The following UBA2 variants were observed in gnomAD, a reference collection of about 807,000 sequenced individuals.
The protein encoded by UBA2 is ubiquitin like modifier activating enzyme 2, also known as SUMO-activating enzyme subunit 2.
A neutral mutation model predicts 77.2 loss-of-function variants in UBA2; 11 were observed. The observed-to-expected ratio is 0.14, with a 90% confidence interval of 0.09 to 0.24. UBA2 has a LOEUF of 0.24. Among genes scored for constraint, UBA2 ranks in the 10% least tolerant of loss-of-function variants. UBA2 has a pLI of 1.00. For missense variants in UBA2, 487 were observed against 781.7 expected (o/e 0.62, Z 4.50); for synonymous variants, 278 against 276.7 (o/e 1.00, Z -0.05).
At chr19:34,455,543 T>C (rs2075549064) in intron 12 of UBA2, among the ~76,000 whole-genome samples, 1 of 152,226 alleles carries the variant, frequency 6.6e-6, no homozygotes, top group Non-Finnish European at 1.5e-5. Context: ...TAGGTTCTCC[T>C]TTTTATCATT....
At position 34,456,357 on chromosome 19, in the gene UBA2, G is replaced by A. The variant is rs116509266; in HGVS notation, c.1245+1801G>A. Among the ~76,000 whole-genome samples, 181 of 151,486 alleles carry A rather than the reference G, an allele frequency of 1.2e-3. 1 individual carries two copies. Among genetic ancestry groups the A allele is most frequent in the African/African-American group, 3.7e-3 (151 of 41,294 alleles). ...TCAAACTCCTGGCCTGAAGTGATCC[G>A]CCCTTCTCAGCCTCCCAGAGTACTG... On this transcript the variant is annotated intron_variant, in intron 12 of 16. Transcript: ENST00000246548.
Position 34,469,035 on chromosome 19 carries a change from A to C in UBA2, c.1742-5A>C, listed in dbSNP as rs771411735. The stretch of plus-strand genomic sequence containing the variant: ...ATTTTCTTTTTCCCTTTTTTCTGAA[A>C]TAAGCTCAAGAGCAAGATGACGTTC... On this transcript the variant is annotated splice_region_variant and splice_polypyrimidine_tract_variant and intron_variant, in intron 16 of 16. Transcript: ENST00000246548. The C allele has an allele frequency of 6.9e-6, 11 of 1,592,650 alleles. No homozygotes were observed. The East Asian group carries it at 2.0e-4, about 29-fold the overall frequency.
At chr19:34,467,689 G>A (rs780105492) in intron 16 of UBA2, among the ~76,000 whole-genome samples, 27 of 152,102 alleles carry the variant, frequency 1.8e-4, no homozygotes, top group Admixed American at 5.2e-4. Flanking sequence ...GGCAGGAGGC[G>A]GAGGTTGCAG....
At chr19:34,457,249 C>T (rs2075578610) in intron 12 of UBA2, among the ~76,000 whole-genome samples, 1 of 137,568 alleles carries the variant, frequency 7.3e-6, no homozygotes, top group African/African-American at 2.8e-5. Context: ...TGTTTGTAAT[C>T]CCAGCTACTC....
chr19:34,435,541 T>G (rs776692432), intron 5 of UBA2, among the ~76,000 whole-genome samples: 3 of 150,624 alleles, frequency 2.0e-5, no homozygotes, highest in Non-Finnish European at 4.4e-5. Context: ...AAAAATTTCT[T>G]TGTGTCGGCT....
In UBA2 at chr19:34,434,974, G is replaced by C; in HGVS notation, c.459+6G>C. On this transcript the variant is annotated splice_donor_region_variant and intron_variant, in intron 5 of 16. Coordinates refer to ENST00000246548, the MANE Select transcript of UBA2 (RefSeq NM_005499.3). ...AAGTAACTACTATCAAAAAGGTAAA[G>C]AAAAGTTTTATTTTTTTAACTTCCC... 2 of 1,577,440 alleles carry C rather than the reference G, an allele frequency of 1.3e-6. No homozygotes were observed. The highest frequency in any genetic ancestry group is 1.7e-6 in the Non-Finnish European group (2 of 1,159,026).
chr19:34,429,664 C>T (rs2075229212), intron 1 of UBA2, among the ~76,000 whole-genome samples: 1 of 151,798 alleles, frequency 6.6e-6, no homozygotes, highest in Non-Finnish European at 1.5e-5. Context: ...ATAGAGAAAC[C>T]CCGTCTCTAC....
chr19:34,436,786 T>TA (rs1408973740), intron 5 of UBA2, among the ~76,000 whole-genome samples: 2 of 152,274 alleles, frequency 1.3e-5, no homozygotes, highest in Non-Finnish European at 2.9e-5. Flanking sequence ...TTTGGCAGCT[T>TA]ATTCATGTTA....
At chr19:34,453,949 A>G (rs755063672) in intron 10 of UBA2, among the ~76,000 whole-genome samples, 1 of 152,056 alleles carries the variant, frequency 6.6e-6, no homozygotes, top group Non-Finnish European at 1.5e-5. Context: ...TGGAATTGAG[A>G]TTCCGGTGTA....
chr19:34,448,940 A>G (rs1599912302), intron 8 of UBA2, among the ~76,000 whole-genome samples: 2 of 152,300 alleles, frequency 1.3e-5, no homozygotes, highest in East Asian at 1.9e-4. Flanking sequence ...AAGATCCTCT[A>G]CAAAATGTTT....
intron 12 of UBA2, among the ~76,000 whole-genome samples, chr19:34,457,195 T>TATATATATATATATATATATATATATAG (rs2075577259): frequency 7.8e-6 from 1 of 127,554 alleles, no homozygotes; most frequent in South Asian, 2.7e-4. Flanking sequence ...TATATATATA[T>TATATATATATATATATATATATATATAG]ATATATATAT....
At chr19:34,444,323 G>T (rs2075405133) in intron 7 of UBA2, among the ~76,000 whole-genome samples, 1 of 151,916 alleles carries the variant, frequency 6.6e-6, no homozygotes, top group South Asian at 2.1e-4. Flanking sequence ...CTCCCAAAGT[G>T]CTGGGACAGG....
In UBA2 at chr19:34,453,016, A is replaced by G. The variant is rs533416690; in HGVS notation, c.1038+869A>G. On this transcript the variant is annotated intron_variant, in intron 10 of 16. Coordinates refer to ENST00000246548, the MANE Select transcript of UBA2 (RefSeq NM_005499.3). ...TGATTAGTGCACAGAGGCTAAATAAAGAGCCCTTGGAATGGGAATTGTTAT... is the reference window on the plus strand; with the variant it reads ...TGATTAGTGCACAGAGGCTAAATAAGGAGCCCTTGGAATGGGAATTGTTAT... Among the ~76,000 whole-genome samples, 20 of 152,342 alleles carry G rather than the reference A, an allele frequency of 1.3e-4. No individual in the cohort carries two copies. The South Asian group carries it at 2.9e-3, about 22-fold the overall frequency.
intron 5 of UBA2, among the ~76,000 whole-genome samples, chr19:34,435,827 A>C (rs2075301952): frequency 7.1e-6 from 1 of 140,690 alleles, no homozygotes; most frequent in Non-Finnish European, 1.6e-5. Flanking sequence ...ACTCCATCTC[A>C]AAAAAAAAAA....
Position 34,456,100 on chromosome 19 carries a change from CTTTTTCTTTTTTTTT to C in UBA2, c.1245+1550_1245+1564del, listed in dbSNP as rs1182693632. Among the ~76,000 whole-genome samples the C allele has an allele frequency of 2.3e-4, 13 of 55,782 alleles. 1 individual carries two copies. Among genetic ancestry groups the C allele is most frequent in the Non-Finnish European group, 1.9e-4 (6 of 31,216 alleles). 36.6% of individuals were successfully genotyped at this position (55,782 alleles called of 152,430 possible). On this transcript the variant is annotated intron_variant, in intron 12 of 16. Coordinates refer to ENST00000246548, the MANE Select transcript of UBA2 (RefSeq NM_005499.3). ...CCCGATGCGCTCTTTTTTTCCTTTT[CTTTTTCTTTTTTTTT>C]TTTTTTTTTGAGGTGGAATCTTGCT...
At chr19:34,430,328 TAAAC>T (rs1185300819) in intron 1 of UBA2, 5 of 362,402 alleles carry the variant, frequency 1.4e-5, no homozygotes, top group Admixed American at 4.4e-5. Context: ...CCAGGATGAT[TAAAC>T]AAACAAAATA....
rs948238689 is a variant in UBA2 at position 34,470,042 on chromosome 19, G to A, written c.*821G>A. ...GGCTGAGGCAGGTGGATCACCTGAGGTCAGTAGTTCAAGACCAACCTGGTC... is the reference window on the plus strand; with the variant it reads ...GGCTGAGGCAGGTGGATCACCTGAGATCAGTAGTTCAAGACCAACCTGGTC... On this transcript the variant is annotated 3_prime_UTR_variant, in exon 17 of 17. Coordinates refer to ENST00000246548, the MANE Select transcript of UBA2 (RefSeq NM_005499.3). 1 of 150,662 alleles carries A rather than the reference G, an allele frequency of 6.6e-6. No homozygotes were observed. Among genetic ancestry groups the A allele is most frequent in the African/African-American group, 2.4e-5 (1 of 40,862 alleles). The allele number at this position is 150,662 out of a possible 1,614,324, so 9.3% of individuals were successfully genotyped here. A position where few individuals can be genotyped will look rare whatever the true frequency, so the allele number is the denominator to read the frequency against.
rs2075427135 is a variant in UBA2 at position 34,446,080 on chromosome 19, A to G, written c.771+959A>G. Among the ~76,000 whole-genome samples, 4 of 150,962 alleles carry G rather than the reference A, an allele frequency of 2.6e-5. No homozygotes were observed. The South Asian group carries it at 8.4e-4, about 32-fold the overall frequency. ...ACCATGTTGCCCAGGCAGATCTCAA[A>G]CTCCTGGTTTCAAGTCTCAAACTCC... On this transcript the variant is annotated intron_variant, in intron 8 of 16. Coordinates refer to ENST00000246548, the MANE Select transcript of UBA2 (RefSeq NM_005499.3).
chr19:34,456,757 C>T (rs992339414), intron 12 of UBA2, among the ~76,000 whole-genome samples: 1 of 151,948 alleles, frequency 6.6e-6, no homozygotes, highest in African/African-American at 2.4e-5. Context: ...AGGGTTTTAC[C>T]ATGTTAGCCA....
Sources: allele counts gnomAD v4.1 joint callset (sites outside exome capture counted in the v4.1 genomes callset), GRCh38; gene constraint gnomAD v4.1.1; transcripts MANE v1.5; gene names NCBI Gene and HGNC (gene_info 2026-07-23, HGNC 2026-07-21).